ZNF462: variants seen among roughly 807,000 people sequenced by gnomAD.
ZNF462 encodes zinc finger protein 462.
Under a neutral mutation model 201.9 loss-of-function variants are expected in ZNF462, and 10 were observed. The observed-to-expected ratio is 0.05, with a 90% confidence interval of 0.03 to 0.08. ZNF462 has a LOEUF of 0.08. Among genes scored for constraint, ZNF462 ranks in the 10% least tolerant of loss-of-function variants. ZNF462 has a pLI of 1.00. For missense variants in ZNF462, 2,523 were observed against 3,168.3 expected, an observed-to-expected ratio of 0.80 and a Z score of 4.89; for synonymous variants, 1,227 against 1,193.3, an observed-to-expected ratio of 1.03 and a Z score of -0.58.
chr9:106,960,069 G>T (rs926719178), intron 7 of ZNF462, among the ~76,000 whole-genome samples: 2 of 152,064 alleles, frequency 1.3e-5, no homozygotes, highest in African/African-American at 2.4e-5. Flanking sequence ...AGAGACTCCC[G>T]CTCGGGGACA....
chr9:106,996,803 G>A (rs879605406), intron 10 of ZNF462, among the ~76,000 whole-genome samples: 4 of 152,052 alleles, frequency 2.6e-5, no homozygotes, highest in Non-Finnish European at 5.9e-5. Flanking sequence ...TATACCTTAT[G>A]ATCTCTCATG....
chr9:107,009,701 C>T lies in ZNF462; in HGVS notation c.7313+33C>T, dbSNP rs1829808864. ...GGGCCACTTCAAGGATGCCTTTGTC[C>T]AAAGCAAGAGGTAGGGAGGGAGGGA... On this transcript the variant is annotated intron_variant, in intron 12 of 12. Transcript: ENST00000277225. This position sits in a 1 kb window ranked among gnomAD's most constrained non-coding sequence, Gnocchi z 6.1. 1 of 552,866 alleles carries T rather than the reference C, an allele frequency of 1.8e-6. No homozygotes were observed. The highest frequency in any genetic ancestry group is 3.5e-6 in the Non-Finnish European group (1 of 288,676). 34.2% of individuals were successfully genotyped at this position (552,866 alleles called of 1,614,324 possible). A position where few individuals can be genotyped will look rare whatever the true frequency, so the allele number is the denominator to read the frequency against.
chr9:106,873,969 C>T (rs1296709383), intron 1 of ZNF462, among the ~76,000 whole-genome samples: 1 of 152,164 alleles, frequency 6.6e-6, no homozygotes, highest in Non-Finnish European at 1.5e-5. Flanking sequence ...ATAATCAAAA[C>T]CTTCGTAGAA....
chr9:106,884,940 A>G (rs16925890), intron 1 of ZNF462, among the ~76,000 whole-genome samples: 37,106 of 152,090 alleles, frequency 0.24, 5,448 homozygotes, highest in African/African-American at 0.41. Flanking sequence ...GTAGTTGATC[A>G]TCAATGCTTA....
chr9:106,939,122 C>T lies in ZNF462; in HGVS notation c.6427+15C>T, dbSNP rs992212819. 6.4e-7 allele frequency: 1 copy of T among 1,570,936 alleles called. No homozygotes were observed. Among genetic ancestry groups the T allele is most frequent in the South Asian group, 1.2e-5 (1 of 83,906 alleles). On this transcript the variant is annotated intron_variant, in intron 7 of 12. Transcript: ENST00000277225. ...AGACTCCAATGGTAAAAATGGGCTT[C>T]CAAGCTGGAATTAACCACTCAGGGT...
chr9:106,984,526 G>T lies in ZNF462; in HGVS notation c.7056+117G>T, dbSNP rs1444013301. ...TACCAGATGGAGATGTGGACTCAAA[G>T]AGCTTTTAAAGTGAGGTCTAGTTTC... On this transcript the variant is annotated intron_variant, in intron 10 of 12. Coordinates refer to ENST00000277225, the MANE Select transcript of ZNF462 (RefSeq NM_021224.6). This position sits in a 1 kb window ranked among gnomAD's most constrained non-coding sequence, Gnocchi z 6.4. 2 of 812,044 alleles carry T rather than the reference G, an allele frequency of 2.5e-6. No individual in the cohort carries two copies. Among genetic ancestry groups the T allele is most frequent in the Non-Finnish European group, 1.9e-6 (1 of 522,852 alleles). 50.3% of individuals were successfully genotyped at this position (812,044 alleles called of 1,614,324 possible). A position where few individuals can be genotyped will look rare whatever the true frequency, so the allele number is the denominator to read the frequency against.
intron 1 of ZNF462, among the ~76,000 whole-genome samples, chr9:106,911,670 A>G (rs1054807649): frequency 9.9e-5 from 15 of 152,232 alleles, no homozygotes; most frequent in African/African-American, 2.2e-4. Flanking sequence ...AGTGTTCTAC[A>G]TGGAGGAAAA....
intron 7 of ZNF462, among the ~76,000 whole-genome samples, chr9:106,953,572 T>C (rs76367440): frequency 0.034 from 5,237 of 152,186 alleles, 196 homozygotes; most frequent in East Asian, 0.16. Flanking sequence ...ATGCCTTCCC[T>C]TTACCTTGTT....
chr9:106,920,645 T>C lies in ZNF462; in HGVS notation c.-30-2709T>C, dbSNP rs538531163. Among the ~76,000 whole-genome samples the C allele has an allele frequency of 6.6e-6, 1 of 152,354 alleles. No individual in the cohort carries two copies. Among genetic ancestry groups the C allele is most frequent in the Admixed American group, 6.5e-5 (1 of 15,310 alleles). On this transcript the variant is annotated intron_variant, in intron 1 of 12. Transcript: ENST00000277225. This position sits in a 1 kb window ranked among gnomAD's most constrained non-coding sequence, Gnocchi z 4.3. ...ATCAGTGACTCTTTTTCTGATCTCA[T>C]AACCCTTTAATCTCCTTTGTAGCAG...
At position 107,003,486 on chromosome 9, in the gene ZNF462, GA is replaced by G. The variant is rs1243240983; in HGVS notation, c.7189+62del. 6.3e-7 allele frequency: 1 copy of G among 1,588,910 alleles called. No individual in the cohort carries two copies. Among genetic ancestry groups the G allele is most frequent in the Admixed American group, 1.7e-5 (1 of 57,482 alleles). On this transcript the variant is annotated intron_variant, in intron 11 of 12. Coordinates refer to ENST00000277225, the MANE Select transcript of ZNF462 (RefSeq NM_021224.6). This position sits in a 1 kb window ranked among gnomAD's most constrained non-coding sequence, Gnocchi z 4.4. ...CATCTGGCATGTCCGTAGTGAGACA[GA>G]AGGGAGGCAGGAGGTTGTTGTAGGA...
Position 106,958,066 on chromosome 9 carries a change from G to A in ZNF462, c.6428-13939G>A, listed in dbSNP as rs184187757. ...TTCTAACCTGCTAGTAAAATCCCGA[G>A]AAGAAAAGATGGTGTTTTCTACTTA... On this transcript the variant is annotated intron_variant, in intron 7 of 12. Transcript: ENST00000277225. Among the ~76,000 whole-genome samples, 254 of 152,192 alleles carry A rather than the reference G, an allele frequency of 1.7e-3. 1 individual carries two copies. Among genetic ancestry groups the A allele is most frequent in the African/African-American group, 6.0e-3 (250 of 41,532 alleles).
chr9:106,899,129 A>AC (rs1283892717), intron 1 of ZNF462, among the ~76,000 whole-genome samples: 1 of 151,006 alleles, frequency 6.6e-6, no homozygotes, highest in Non-Finnish European at 1.5e-5. Context: ...TCGGGATTCA[A>AC]CCTCAGGCCT....
intron 9 of ZNF462, among the ~76,000 whole-genome samples, chr9:106,980,808 C>G (rs1827368177): frequency 6.6e-6 from 1 of 152,062 alleles, no homozygotes; most frequent in African/African-American, 2.4e-5. Flanking sequence ...GTGATTCAGG[C>G]CTTGAGTTTT....
rs1025154810 is a variant in ZNF462 at position 106,936,218 on chromosome 9, G to A, written c.6235+597G>A. ...CAGTCAGTCATCTATAATCTTATCT[G>A]AAGACCACTGTTGTTGACGTCTGAT... On this transcript the variant is annotated intron_variant, in intron 6 of 12. Transcript: ENST00000277225. Among the ~76,000 whole-genome samples, 4 of 152,202 alleles carry A rather than the reference G, an allele frequency of 2.6e-5. No homozygotes were observed. The East Asian group carries it at 7.7e-4, about 29-fold the overall frequency.
In ZNF462 at chr9:106,968,210, C is replaced by T. The variant is rs941140084; in HGVS notation, c.6428-3795C>T. Among the ~76,000 whole-genome samples, 3 of 152,128 alleles carry T rather than the reference C, an allele frequency of 2.0e-5. No individual in the cohort carries two copies. Among genetic ancestry groups the T allele is most frequent in the African/African-American group, 7.2e-5 (3 of 41,448 alleles). Reference sequence around the variant, plus strand: ...CCTCTGCTTCTTCGTGTCTATGTGACCCGTCATCCTCAGCTTCAGCTACCT... The same window carrying T: ...CCTCTGCTTCTTCGTGTCTATGTGATCCGTCATCCTCAGCTTCAGCTACCT... On this transcript the variant is annotated intron_variant, in intron 7 of 12. Coordinates refer to ENST00000277225, the MANE Select transcript of ZNF462 (RefSeq NM_021224.6). This position sits in a 1 kb window ranked among gnomAD's most constrained non-coding sequence, Gnocchi z 4.0.
At position 107,006,508 on chromosome 9, in the gene ZNF462, C is replaced by T. The variant is rs571114088; in HGVS notation, c.7190-3037C>T. ...TAATCTTCACTGAAGGGGACCTGACCCTGAAATCTGTGGATTCAGTGGCCC... is the reference window on the plus strand; with the variant it reads ...TAATCTTCACTGAAGGGGACCTGACTCTGAAATCTGTGGATTCAGTGGCCC... On this transcript the variant is annotated intron_variant, in intron 11 of 12. Transcript: ENST00000277225. This position sits in a 1 kb window ranked among gnomAD's most constrained non-coding sequence, Gnocchi z 4.3. 6.6e-6 allele frequency among the ~76,000 whole-genome samples: 1 copy of T among 152,130 alleles called. No homozygotes were observed. Among genetic ancestry groups the T allele is most frequent in the African/African-American group, 2.4e-5 (1 of 41,438 alleles).
At chr9:106,996,917 A>G (rs1828776278) in intron 10 of ZNF462, among the ~76,000 whole-genome samples, 1 of 152,164 alleles carries the variant, frequency 6.6e-6, no homozygotes, top group Non-Finnish European at 1.5e-5. Flanking sequence ...GCTACCCTGG[A>G]AGAGTTTATA....
At chr9:106,909,303 G>GT (rs1392552598) in intron 1 of ZNF462, among the ~76,000 whole-genome samples, 1 of 151,224 alleles carries the variant, frequency 6.6e-6, no homozygotes, top group Non-Finnish European at 1.5e-5. Flanking sequence ...TTATGGTTAA[G>GT]TTTTTTTTCC....
rs1408812096 is a variant in ZNF462 at position 106,933,150 on chromosome 9, A to G, written c.6116+601A>G. 6.4e-6 allele frequency: 1 copy of G among 156,596 alleles called. No individual in the cohort carries two copies. The highest frequency in any genetic ancestry group is 1.4e-5 in the Non-Finnish European group (1 of 70,642). The allele number at this position is 156,596 out of a possible 1,614,324, so 9.7% of individuals were successfully genotyped here. ...GGAAAGAGGGGTGGTTTTAAGAACAACTTTTTGTTGCCTTTCTCTTTCAGC... is the reference window on the plus strand; with the variant it reads ...GGAAAGAGGGGTGGTTTTAAGAACAGCTTTTTGTTGCCTTTCTCTTTCAGC... On this transcript the variant is annotated intron_variant, in intron 5 of 12. Transcript: ENST00000277225. This position sits in a 1 kb window ranked among gnomAD's most constrained non-coding sequence, Gnocchi z 4.3.
Sources: allele counts gnomAD v4.1 joint callset (sites outside exome capture counted in the v4.1 genomes callset), GRCh38; gene constraint gnomAD v4.1.1; non-coding constraint Gnocchi (gnomAD v3.1); transcripts MANE v1.5; gene names NCBI Gene and HGNC (gene_info 2026-07-23, HGNC 2026-07-21).